The following FHIT variants were observed in gnomAD, a reference collection of about 807,000 sequenced individuals.
FHIT encodes the protein bis(5'-adenosyl)-triphosphatase.
In FHIT, 19 loss-of-function variants were observed where a neutral mutation model predicts 17.9. The ratio of observed to expected loss-of-function variants is 1.06; its 90% CI spans 0.74 to 1.56. The LOEUF is 1.56. FHIT is among the 40% of genes most tolerant of loss of function. The probability of loss-of-function intolerance (pLI) is 0.00; values close to 1 mark genes in which losing one functional copy is unlikely to be tolerated. For synonymous variants in FHIT, 81 were observed against 69.7 expected, an observed-to-expected ratio of 1.16 and a Z score of -0.81; for missense variants, 248 against 189.2, an observed-to-expected ratio of 1.31 and a Z score of -1.82.
At chr3:60,657,480 T>C (rs1316032912) in intron 4 of FHIT, among the ~76,000 whole-genome samples, 3 of 152,178 alleles carry the variant, frequency 2.0e-5, no homozygotes, top group Non-Finnish European at 4.4e-5. Flanking sequence ...CAAACTTAGG[T>C]GTCTGGCAGA....
At chr3:60,547,090 C>T (rs987686401) in intron 4 of FHIT, among the ~76,000 whole-genome samples, 1 of 152,142 alleles carries the variant, frequency 6.6e-6, no homozygotes, top group Admixed American at 6.5e-5. Flanking sequence ...GAAACTGTCT[C>T]CAAGACTGAG....
At position 59,980,253 on chromosome 3, in the gene FHIT, A is replaced by G. The variant is rs536905104; in HGVS notation, c.279+31118T>C. On this transcript the variant is annotated intron_variant, in intron 7 of 9. Transcript: ENST00000492590. ...GAATGTTAATTCCTCATCTCTGCCA[A>G]CTGTAAGGCAGATACTCACTTCAGG... Among the ~76,000 whole-genome samples, 3 of 152,156 alleles carry G rather than the reference A, an allele frequency of 2.0e-5. No individual in the cohort carries two copies. In the South Asian group the frequency reaches 6.2e-4, roughly 32 times the overall value.
chr3:61,216,074 T>C (rs1309513603), intron 1 of FHIT, among the ~76,000 whole-genome samples: 2 of 152,124 alleles, frequency 1.3e-5, no homozygotes, highest in East Asian at 3.8e-4. Context: ...ATTCAGGACA[T>C]AGGCATGGGC....
At chr3:59,935,284 G>C (rs1706178899) in intron 7 of FHIT, among the ~76,000 whole-genome samples, 2 of 152,168 alleles carry the variant, frequency 1.3e-5, no homozygotes. Context: ...CTCAGCTGTT[G>C]TTGTAGTCAT....
chr3:60,860,165 CATA>C lies in FHIT; in HGVS notation c.-110-38157_-110-38155del, dbSNP rs1559778140. Among the ~76,000 whole-genome samples, 97 of 79,956 alleles carry C rather than the reference CATA, an allele frequency of 1.2e-3. 8 individuals carry two copies. Among genetic ancestry groups the C allele is most frequent in the African/African-American group, 3.7e-3 (56 of 15,120 alleles). 52.5% of individuals were successfully genotyped at this position (79,956 alleles called of 152,430 possible). ...TACATATGGTATATATGATATACAT[CATA>C]TGTATATATGGTATACATGAGATAC... On this transcript the variant is annotated intron_variant, in intron 3 of 9. Coordinates refer to ENST00000492590, the MANE Select transcript of FHIT (RefSeq NM_002012.4).
intron 4 of FHIT, among the ~76,000 whole-genome samples, chr3:60,754,876 C>T (rs1432755865): frequency 1.3e-5 from 2 of 152,172 alleles, no homozygotes; most frequent in Non-Finnish European, 2.9e-5. Context: ...CTAGCTCTTG[C>T]TAACTATAAC....
intron 8 of FHIT, among the ~76,000 whole-genome samples, chr3:59,839,618 C>T (rs1248029189): frequency 6.6e-6 from 1 of 152,106 alleles, no homozygotes; most frequent in African/African-American, 2.4e-5. Context: ...GTTCCTTTTC[C>T]ACTTCCCTGA....
chr3:61,053,224 T>C (rs908268100), intron 2 of FHIT, among the ~76,000 whole-genome samples: 6 of 152,162 alleles, frequency 3.9e-5, no homozygotes, highest in Admixed American at 3.9e-4. Context: ...CATGGAATTC[T>C]TCAACCTGCC....
chr3:60,626,867 A>G (rs782814282), intron 4 of FHIT, among the ~76,000 whole-genome samples: 1 of 145,466 alleles, frequency 6.9e-6, no homozygotes, highest in African/African-American at 2.6e-5. Flanking sequence ...AGAAAGTTTC[A>G]TACTATTCTA....
chr3:60,031,505 G>A (rs1163653277), intron 5 of FHIT, among the ~76,000 whole-genome samples: 4 of 152,058 alleles, frequency 2.6e-5, no homozygotes, highest in Non-Finnish European at 5.9e-5. Context: ...TTCCATTTTT[G>A]CCACTTTTTA....
At chr3:60,086,963 G>A (rs1245022256) in intron 5 of FHIT, among the ~76,000 whole-genome samples, 1 of 152,210 alleles carries the variant, frequency 6.6e-6, no homozygotes, top group Non-Finnish European at 1.5e-5. Context: ...CACCTCTGTG[G>A]AAGGTCTCTG....
chr3:60,178,673 C>T (rs1701789999), intron 5 of FHIT, among the ~76,000 whole-genome samples: 1 of 152,134 alleles, frequency 6.6e-6, no homozygotes. Flanking sequence ...AATACTAACA[C>T]TTTACTCACT....
At chr3:60,744,261 A>AAAAAAAAAAAAAAAAAAAAAG (rs2042303010) in intron 4 of FHIT, among the ~76,000 whole-genome samples, 1 of 79,088 alleles carries the variant, frequency 1.3e-5, no homozygotes, top group Non-Finnish European at 2.3e-5. Context: ...AAAAAAACAA[A>AAAAAAAAAAAAAAAAAAAAAG]ACAAAACAAA....
At chr3:59,809,237 T>C (rs978513346) in intron 8 of FHIT, among the ~76,000 whole-genome samples, 1 of 152,148 alleles carries the variant, frequency 6.6e-6, no homozygotes. Flanking sequence ...TGGATTAGAA[T>C]GGGCCCTAAA....
At chr3:61,241,436 T>C (rs2040370508) in intron 1 of FHIT, among the ~76,000 whole-genome samples, 1 of 152,220 alleles carries the variant, frequency 6.6e-6, no homozygotes, top group Admixed American at 6.5e-5. Context: ...GCTTTGTTTT[T>C]TCAAAACTAA....
At chr3:60,483,978 A>C (rs903127993) in intron 5 of FHIT, among the ~76,000 whole-genome samples, 5 of 152,014 alleles carry the variant, frequency 3.3e-5, no homozygotes, top group African/African-American at 1.2e-4. Context: ...ATTTCAGTAA[A>C]GTCTCAGGAT....
At chr3:61,179,492 C>G (rs62268811) in intron 2 of FHIT, among the ~76,000 whole-genome samples, 2 of 151,472 alleles carry the variant, frequency 1.3e-5, no homozygotes, top group African/African-American at 4.9e-5. Context: ...GAGGATTGCT[C>G]GAGGGCAGGG....
At chr3:60,028,909 T>C (rs1298413607) in intron 5 of FHIT, among the ~76,000 whole-genome samples, 3 of 148,632 alleles carry the variant, frequency 2.0e-5, no homozygotes, top group Non-Finnish European at 3.0e-5. Flanking sequence ...AAGGATGAAA[T>C]ATTGGAAGGA....
Position 60,860,470 on chromosome 3 carries a change from GTA to G in FHIT, c.-110-38461_-110-38460del, listed in dbSNP as rs1407344453. On this transcript the variant is annotated intron_variant, in intron 3 of 9. Transcript: ENST00000492590. ...ATATGATACATATGTACATATATAT[GTA>G]TATATGATACATATGTATCATATAT... Among the ~76,000 whole-genome samples the G allele has an allele frequency of 4.6e-4, 40 of 86,562 alleles. 1 individual carries two copies. The highest frequency in any genetic ancestry group is 1.7e-3 in the African/African-American group (37 of 21,592). 56.8% of individuals were successfully genotyped at this position (86,562 alleles called of 152,430 possible). A position where few individuals can be genotyped will look rare whatever the true frequency, so the allele number is the denominator to read the frequency against.
Sources: gnomAD v4.1 joint callset for allele counts (sites outside exome capture counted in the v4.1 genomes callset) on GRCh38, gnomAD v4.1.1 for gene constraint, MANE v1.5 for transcripts, NCBI Gene and HGNC (gene_info 2026-07-23, HGNC 2026-07-21) for gene names.